Variants in GYG1 observed in about 807,000 individuals in gnomAD.
GYG1 encodes the protein glycogenin 1.
Under a neutral mutation model 41.9 loss-of-function variants are expected in GYG1, and 44 were observed. The ratio of observed to expected loss-of-function variants is 1.05; its 90% CI spans 0.83 to 1.35. GYG1 has a LOEUF of 1.35. GYG1 is among the 40% of genes most tolerant of loss of function. The pLI is 0.00. For missense variants in GYG1, 429 were observed against 418.9 expected (o/e 1.02, Z -0.21); for synonymous variants, 141 against 158.1 (o/e 0.89, Z 0.81).
chr3:148,994,065 T>C (rs1559995716), intron 1 of GYG1, 77 bp from the exon 2 acceptor site: 1 of 1,319,696 alleles, frequency 7.6e-7, no homozygotes, highest in Non-Finnish European at 1.1e-6. Flanking sequence ...TGAATTACTG[T>C]TTGAATGGGT....
At chr3:149,009,789 G>T (rs1364936545) in intron 5 of GYG1, among the ~76,000 whole-genome samples, 1 of 152,184 alleles carries the variant, frequency 6.6e-6, no homozygotes, top group African/African-American at 2.4e-5. Flanking sequence ...TCCTTCACCT[G>T]CAAAAAGGTG....
At chr3:149,010,343 T>G (rs1480517483) in intron 5 of GYG1, among the ~76,000 whole-genome samples, 1 of 149,178 alleles carries the variant, frequency 6.7e-6, no homozygotes, top group East Asian at 2.0e-4. Flanking sequence ...TTTTTTTTTT[T>G]TTGAGACGAA....
intron 5 of GYG1, among the ~76,000 whole-genome samples, chr3:149,014,013 G>T (rs1387754771): frequency 1.3e-5 from 2 of 152,172 alleles, no homozygotes; most frequent in African/African-American, 4.8e-5. Context: ...CTCACTCAAG[G>T]CCTCAGAGAT....
At chr3:149,002,778 C>T (rs1005851153) in intron 4 of GYG1, among the ~76,000 whole-genome samples, 7 of 152,138 alleles carry the variant, frequency 4.6e-5, no homozygotes, top group East Asian at 1.9e-4. Flanking sequence ...TCCAACACTT[C>T]GGAAGGCCAA....
chr3:148,998,761 T>G (rs568785062), intron 4 of GYG1, among the ~76,000 whole-genome samples: 2 of 152,362 alleles, frequency 1.3e-5, no homozygotes, highest in Admixed American at 1.3e-4. Flanking sequence ...ATTCCTTATT[T>G]CTACTGCTTA....
chr3:149,019,068 T>TTAAA, intron 5 of GYG1, among the ~76,000 whole-genome samples: 1 of 119,092 alleles, frequency 8.4e-6, no homozygotes, highest in African/African-American at 3.2e-5. Flanking sequence ...GACACTGTCT[T>TTAAA]AAAAAAAAAA....
At chr3:148,994,009 C>G (rs1291241296) in intron 1 of GYG1, 133 bp from the exon 2 acceptor site, 4 of 803,168 alleles carry the variant, frequency 5.0e-6, no homozygotes, top group African/African-American at 3.5e-5. Flanking sequence ...CAAAGGGCTA[C>G]AGCTTGATTC....
In GYG1 at chr3:149,026,913, C is replaced by T; in HGVS notation, c.1033C>T (p.Leu345Phe). The T allele has an allele frequency of 6.2e-7, 1 of 1,613,736 alleles. No individual in the cohort carries two copies. The highest frequency in any genetic ancestry group is 8.5e-7 in the Non-Finnish European group (1 of 1,179,620). Reference protein sequence around the residue: ...ADSFDNIKRKLDTYLQ With the variant: ...ADSFDNIKRKFDTYLQ ...TTCCTTTGACAACATCAAGAGGAAA[C>T]TTGACACTTACCTCCAGTAGAAACA... The change falls in exon 8 of 8, where the codon CTT (leucine) becomes TTT (phenylalanine). Residue 345 changes from leucine (L) to phenylalanine (F), a missense_variant. By Grantham distance (22) the Leu-to-Phe change is conservative (BLOSUM62 0). Transcript: ENST00000345003.
chr3:149,024,299 C>G, intron 6 of GYG1, 27 bp downstream of exon 6: 1 of 1,308,718 alleles, frequency 7.6e-7, no homozygotes, highest in Non-Finnish European at 1.1e-6. Context: ...TTCTTCAGAT[C>G]ATTTAATGCT....
In GYG1 at chr3:149,028,352, TTAAATGA is replaced by T. The variant is rs1301166120; in HGVS notation, c.*1427_*1433del. Among the ~76,000 whole-genome samples, 5 of 152,216 alleles carry T rather than the reference TTAAATGA, an allele frequency of 3.3e-5. No homozygotes were observed. Among genetic ancestry groups the T allele is most frequent in the African/African-American group, 9.6e-5 (4 of 41,458 alleles). On this transcript the variant is annotated 3_prime_UTR_variant, in exon 8 of 8. Transcript: ENST00000345003. ...AGGATTTACCTAGAATTATAAAATA[TTAAATGA>T]TAAATGACTTCTGAAACTAGCTATT...
At chr3:149,026,710 A>G in intron 7 of GYG1, 50 bp from the exon 8 acceptor site, 1 of 1,361,498 alleles carries the variant, frequency 7.3e-7, no homozygotes, top group Non-Finnish European at 1.1e-6. Context: ...CATTCTTTAA[A>G]ACAGTTTGAT....
chr3:149,016,505 C>T (rs906189301), intron 5 of GYG1, among the ~76,000 whole-genome samples: 1 of 152,036 alleles, frequency 6.6e-6, no homozygotes, highest in African/African-American at 2.4e-5. Context: ...AGAGGCCAGC[C>T]TAGAAGATAA....
In GYG1 at chr3:148,994,189, G is replaced by T. The variant is rs148954947; in HGVS notation, c.55G>T (p.Ala19Ser). The change falls in exon 2 of 8, where the codon GCC becomes TCC. Residue 19 changes from alanine to serine, a missense_variant. Coordinates refer to ENST00000345003, the MANE Select transcript of GYG1 (RefSeq NM_004130.4). ...LTTNDAYAKG[A>S]LVLGSSLKQH... ...CACAAACGATGCCTACGCCAAAGGT[G>T]CCCTGGTCCTGGGATCATCTCTGAA... The T allele has an allele frequency of 6.2e-7, 1 of 1,613,720 alleles. No homozygotes were observed. The highest frequency in any genetic ancestry group is 8.5e-7 in the Non-Finnish European group (1 of 1,179,756).
intron 5 of GYG1, among the ~76,000 whole-genome samples, chr3:149,016,359 G>A (rs1714041528): frequency 6.6e-6 from 1 of 151,288 alleles, no homozygotes; most frequent in Admixed American, 6.6e-5. Flanking sequence ...ACAGATGCTT[G>A]TAGGCAGGTG....
At chr3:149,009,997 A>G (rs1286737175) in intron 5 of GYG1, among the ~76,000 whole-genome samples, 2 of 152,214 alleles carry the variant, frequency 1.3e-5, no homozygotes, top group Non-Finnish European at 2.9e-5. Context: ...GGAGGTAATC[A>G]TGTAGCATGG....
rs1253061237 is a variant in GYG1 at position 149,020,660 on chromosome 3, G to A, written c.609-3393G>A. Among the ~76,000 whole-genome samples the A allele has an allele frequency of 2.0e-5, 3 of 152,174 alleles. No individual in the cohort carries two copies. The East Asian group carries it at 5.8e-4, about 29-fold the overall frequency. On this transcript the variant is annotated intron_variant, in intron 5 of 7. Transcript: ENST00000345003. ...TCATTAGTAAACTGTCAAGAGAGCA[G>A]GTTAGAAAAGAATAGTTTACACTAT...
chr3:149,022,923 A>G (rs1021623934), intron 5 of GYG1, among the ~76,000 whole-genome samples: 4 of 151,730 alleles, frequency 2.6e-5, no homozygotes, highest in African/African-American at 9.7e-5. Context: ...TTCATTTTAG[A>G]TTGTATTCCA....
rs940782689 is a variant in GYG1, at chr3:149,027,728, TA to T, written c.*801del. ...CAATTTTTGGAATTTGTCATAGTTTTAAAAAAGTGTAAAGCTTGACATTGGG... is the reference window on the plus strand; with the variant it reads ...CAATTTTTGGAATTTGTCATAGTTTTAAAAAGTGTAAAGCTTGACATTGGG... On this transcript the variant is annotated 3_prime_UTR_variant, in exon 8 of 8. Transcript: ENST00000345003. 1 of 152,200 alleles carries T rather than the reference TA, an allele frequency of 6.6e-6. No homozygotes were observed. The highest frequency in any genetic ancestry group is 1.5e-5 in the Non-Finnish European group (1 of 68,026). 9.4% of individuals were successfully genotyped at this position (152,200 alleles called of 1,614,324 possible).
intron 5 of GYG1, among the ~76,000 whole-genome samples, chr3:149,012,693 TA>T (rs149363595): frequency 0.026 from 4,000 of 151,592 alleles, 202 homozygotes; most frequent in African/African-American, 0.092. Context: ...TACTCAAATA[TA>T]AAAAAACAGA....
Sources: allele counts gnomAD v4.1 joint callset (sites outside exome capture counted in the v4.1 genomes callset), GRCh38; gene constraint gnomAD v4.1.1; transcripts MANE v1.5; gene names NCBI Gene and HGNC (gene_info 2026-07-23, HGNC 2026-07-21).